The following C12orf50 variants were observed in gnomAD, a reference collection of about 807,000 sequenced individuals.
C12orf50 encodes zinc finger CCCH-type containing 11D.
C12orf50 carries 35 observed loss-of-function variants against 61.6 expected under a neutral mutation model. The ratio of observed to expected loss-of-function variants is 0.57; its 90% CI spans 0.43 to 0.75. The LOEUF (loss-of-function observed/expected upper bound fraction) is 0.75. C12orf50 is among the 30% of genes least tolerant of loss of function. The pLI, the probability that C12orf50 is intolerant of heterozygous loss-of-function variation, is 0.00. For synonymous variants in C12orf50, 178 were observed against 161.5 expected (o/e 1.10, Z -0.77); for missense variants, 475 against 488.5 (o/e 0.97, Z 0.26).
Position 88,026,559 on chromosome 12 carries a change from A to C in C12orf50, c.62T>G (p.Val21Gly). Residue 21 changes from valine (V) to glycine (G), a missense_variant, in exon 3 of 13, where the codon GTG becomes GGG. By Grantham distance (109) the Val-to-Gly change is moderately radical. Transcript: ENST00000298699. ...GTGATAAAAGATACAGCTGATCTTC[A>C]CACAACCAAGAGGCTGAGTTTCCCA... ...CFWETQPLGC[V>G]KISCIFYHSK... The C allele has an allele frequency of 1.2e-6, 2 of 1,613,924 alleles. No homozygotes were observed. The highest frequency in any genetic ancestry group is 1.7e-6 in the Non-Finnish European group (2 of 1,179,984).
chr12:87,984,589 A>G (rs1230987771), intron 11 of C12orf50: 1 of 152,162 alleles, frequency 6.6e-6, no homozygotes, highest in South Asian at 2.1e-4. Flanking sequence ...AAGCATTTAT[A>G]TCCTCACCTG....
chr12:88,007,687 A>C (rs2031937907), intron 3 of C12orf50, among the ~76,000 whole-genome samples: 1 of 152,228 alleles, frequency 6.6e-6, no homozygotes, highest in Non-Finnish European at 1.5e-5. Context: ...AATACAAACA[A>C]GCCATGGCAG....
chr12:88,006,363 A>T (rs1334518729), intron 3 of C12orf50, among the ~76,000 whole-genome samples: 1 of 152,070 alleles, frequency 6.6e-6, no homozygotes, highest in East Asian at 1.9e-4. Flanking sequence ...AGCGTCCCTA[A>T]TCTTAAACTT....
At chr12:88,010,110 C>T (rs2032040101) in intron 3 of C12orf50, among the ~76,000 whole-genome samples, 1 of 152,016 alleles carries the variant, frequency 6.6e-6, no homozygotes, top group Admixed American at 6.6e-5. Flanking sequence ...TTATCATGTT[C>T]ACCTAACAAA....
intron 3 of C12orf50, among the ~76,000 whole-genome samples, chr12:88,024,796 TAAATG>T (rs2032642464): frequency 1.3e-5 from 2 of 151,952 alleles, no homozygotes; most frequent in Non-Finnish European, 2.9e-5. Context: ...AAAAGAAAGA[TAAATG>T]AAGAGAATGT....
intron 6 of C12orf50, among the ~76,000 whole-genome samples, chr12:87,995,084 G>T (rs866148461): frequency 1.3e-5 from 2 of 151,912 alleles, no homozygotes; most frequent in African/African-American, 4.8e-5. Context: ...TGTTCACCAT[G>T]AACAATCAGA....
chr12:87,990,955 A>C (rs1004509437), intron 7 of C12orf50, among the ~76,000 whole-genome samples: 1 of 152,146 alleles, frequency 6.6e-6, no homozygotes, highest in Non-Finnish European at 1.5e-5. Flanking sequence ...TTCAGCATCT[A>C]CATACTGCTT....
Position 87,980,071 on chromosome 12 carries a change from T to C in C12orf50, c.*260A>G, listed in dbSNP as rs908250242. On this transcript the variant is annotated 3_prime_UTR_variant, in exon 13 of 13. Coordinates refer to ENST00000298699, the MANE Select transcript of C12orf50 (RefSeq NM_152589.3). ...AAACTTTTAAATTTTATTAAAATGT[T>C]TGGAGTAATGCACGGAATGAATTCC... The C allele has an allele frequency of 6.9e-6, 3 of 436,974 alleles. No individual in the cohort carries two copies. Among genetic ancestry groups the C allele is most frequent in the Non-Finnish European group, 1.2e-5 (3 of 248,726 alleles). 27.1% of individuals were successfully genotyped at this position (436,974 alleles called of 1,614,324 possible). A position where few individuals can be genotyped will look rare whatever the true frequency, so the allele number is the denominator to read the frequency against.
At chr12:87,986,096 G>T in intron 10 of C12orf50, 43 bp from the exon 11 acceptor site, 1 of 1,574,100 alleles carries the variant, frequency 6.4e-7, no homozygotes, top group Non-Finnish European at 8.7e-7. Context: ...AAACAGGCTG[G>T]TTTCACACCC....
At chr12:87,983,311 C>A in intron 11 of C12orf50, 116 bp from the exon 12 acceptor site, 1 of 556,634 alleles carries the variant, frequency 1.8e-6, no homozygotes, top group South Asian at 3.5e-5. Flanking sequence ...ATTCATTTTA[C>A]CATTTCAAAG....
intron 3 of C12orf50, among the ~76,000 whole-genome samples, chr12:88,024,717 GAC>G (rs2032639629): frequency 6.6e-6 from 1 of 151,980 alleles, no homozygotes; most frequent in Non-Finnish European, 1.5e-5. Flanking sequence ...AAATCTCCAT[GAC>G]ACACAGTTTA....
intron 3 of C12orf50, among the ~76,000 whole-genome samples, chr12:88,015,340 A>G (rs2032272157): frequency 6.6e-6 from 1 of 152,266 alleles, no homozygotes; most frequent in Admixed American, 6.5e-5. Context: ...AAGGCAGATA[A>G]TAAACACAGA....
chr12:87,985,264 T>G (rs2030747409), intron 11 of C12orf50: 1 of 152,166 alleles, frequency 6.6e-6, no homozygotes, highest in South Asian at 2.1e-4. Context: ...AAAATCCATC[T>G]GAGACATAGG....
chr12:88,022,346 C>T (rs976082202), intron 3 of C12orf50, among the ~76,000 whole-genome samples: 12 of 151,984 alleles, frequency 7.9e-5, no homozygotes, highest in African/African-American at 2.2e-4. Flanking sequence ...ATTGAAGAAA[C>T]GTACTTCAAA....
At chr12:87,987,715 T>C in intron 9 of C12orf50, 135 bp downstream of exon 9, 1 of 631,700 alleles carries the variant, frequency 1.6e-6, no homozygotes, top group Non-Finnish European at 2.7e-6. Context: ...GGATATTGTG[T>C]CTTTAATTCT....
rs775741637 is a variant in C12orf50, at chr12:87,996,502, G to T, written c.368-15C>A. 14 of 1,594,110 alleles carry T rather than the reference G, an allele frequency of 8.8e-6. No homozygotes were observed. Among genetic ancestry groups the T allele is most frequent in the African/African-American group, 1.3e-5 (1 of 74,376 alleles). ...GTAGTATTCCCCTAATCAACCATAA[G>T]AAAAGTAATGGTTAGTATATTTATC... is the stretch of plus-strand genomic sequence containing the variant. On this transcript the variant is annotated splice_polypyrimidine_tract_variant and intron_variant, in intron 5 of 12. Transcript: ENST00000298699.
At position 87,980,269 on chromosome 12, in the gene C12orf50, G is replaced by T. The variant is rs2030389935; in HGVS notation, c.*62C>A. 1.3e-6 allele frequency: 2 copies of T among 1,489,794 alleles called. No individual in the cohort carries two copies. Among genetic ancestry groups the T allele is most frequent in the South Asian group, 2.3e-5 (2 of 86,580 alleles). 92.3% of individuals were successfully genotyped at this position (1,489,794 alleles called of 1,614,324 possible). A position where few individuals can be genotyped will look rare whatever the true frequency, so the allele number is the denominator to read the frequency against. On this transcript the variant is annotated 3_prime_UTR_variant, in exon 13 of 13. Transcript: ENST00000298699. ...TCTCATTCTTTGAATTTTCATTTTTGATTGTAAATCAGATGATGTCTGGCA... is the reference window on the plus strand; with the variant it reads ...TCTCATTCTTTGAATTTTCATTTTTTATTGTAAATCAGATGATGTCTGGCA...
rs373851194 is a variant in C12orf50, at chr12:88,026,936, G to A, written c.12+15C>T. 3.4e-5 allele frequency: 55 copies of A among 1,603,776 alleles called. 1 individual carries two copies. The South Asian group carries it at 4.0e-4, about 12-fold the overall frequency. ...AATACTTTTTGACAAAAATGATGACGCCAAGTAATTCTACCTGCATTTCCA... is the reference window on the plus strand; with the variant it reads ...AATACTTTTTGACAAAAATGATGACACCAAGTAATTCTACCTGCATTTCCA... On this transcript the variant is annotated intron_variant, in intron 2 of 12. Transcript: ENST00000298699.
intron 8 of C12orf50, 97 bp from the exon 9 acceptor site, chr12:87,988,063 C>A: frequency 1.6e-6 from 1 of 624,184 alleles, no homozygotes. Context: ...ATAATGGGAA[C>A]ACCTCTTTAA....
Sources: allele counts gnomAD v4.1 joint callset (sites outside exome capture counted in the v4.1 genomes callset), GRCh38; gene constraint gnomAD v4.1.1; transcripts MANE v1.5; gene names NCBI Gene and HGNC (gene_info 2026-07-23, HGNC 2026-07-21).